Variants in RFPL4AL1 observed in about 807,000 individuals in gnomAD.
RFPL4AL1 encodes the protein ret finger protein like 4A like 1.
RFPL4AL1 carries 2 observed loss-of-function variants against 8.2 expected under a neutral mutation model. The observed-to-expected ratio is 0.24, with a 90% confidence interval of 0.10 to 0.77. The LOEUF (loss-of-function observed/expected upper bound fraction) is 0.77, where lower values mean the gene tolerates loss of function less well. RFPL4AL1 is among the 30% of genes least tolerant of loss of function. The probability of loss-of-function intolerance (pLI) is 0.72; values close to 1 mark genes in which losing one functional copy is unlikely to be tolerated. For missense variants in RFPL4AL1, 57 were observed against 350.3 expected, an observed-to-expected ratio of 0.16 and a Z score of 6.68; for synonymous variants, 25 against 131.8, an observed-to-expected ratio of 0.19 and a Z score of 5.55.
At position 55,770,710 on chromosome 19, in the gene RFPL4AL1, C is replaced by T. The variant is rs960456557; in HGVS notation, c.-9-1086C>T. On this transcript the variant is annotated intron_variant, in intron 1 of 2. Coordinates refer to ENST00000341750, the MANE Select transcript of RFPL4AL1 (RefSeq NM_001277397.2). ...AACTCCCTCCGGTTTTTTAGCACCTCATGAGCCCAGGTTCCTCCTTGTCCT... is the reference window on the plus strand; with the variant it reads ...AACTCCCTCCGGTTTTTTAGCACCTTATGAGCCCAGGTTCCTCCTTGTCCT... Among the ~76,000 whole-genome samples the T allele has an allele frequency of 5.3e-5, 8 of 151,974 alleles. 1 individual carries two copies. The highest frequency in any genetic ancestry group is 1.2e-4 in the Non-Finnish European group (8 of 67,954).
rs1157673564 is a variant in RFPL4AL1, at chr19:55,772,802, T to C, written c.487T>C (p.Trp163Arg). 5.5e-5 allele frequency: 85 copies of C among 1,548,706 alleles called. 1 individual carries two copies. Among genetic ancestry groups the C allele is most frequent in the Non-Finnish European group, 7.4e-5 (85 of 1,145,664 alleles). The change falls in exon 3 of 3, where the codon TGG becomes CGG. Residue 163 changes from tryptophan to arginine, a missense_variant. Coordinates refer to ENST00000341750, the MANE Select transcript of RFPL4AL1 (RefSeq NM_001277397.2). ...WEVDVGTSQV[W>R]DVGVCKESVN... ...GGTGGACGTGGGCACCAGCCAAGTG[T>C]GGGATGTGGGCGTGTGCAAGGAATC...
intron 1 of RFPL4AL1, among the ~76,000 whole-genome samples, chr19:55,771,077 C>CTT (rs1989483766): frequency 2.7e-5 from 3 of 111,526 alleles, no homozygotes; most frequent in East Asian, 2.6e-4. Context: ...TCTTTTAGTT[C>CTT]TGTTTTTTGT....
intron 1 of RFPL4AL1, among the ~76,000 whole-genome samples, chr19:55,771,013 C>T (rs531656323): frequency 2.4e-4 from 36 of 151,310 alleles, no homozygotes; most frequent in African/African-American, 7.5e-4. Flanking sequence ...GAAAATATTC[C>T]TTATATATTT....
chr19:55,769,564 T>G (rs1989451156), intron 1 of RFPL4AL1, among the ~76,000 whole-genome samples: 1 of 151,796 alleles, frequency 6.6e-6, no homozygotes, highest in African/African-American at 2.4e-5. Context: ...TTTGTTCAGT[T>G]TTTTGTTCCT....
chr19:55,771,923 A>T lies in RFPL4AL1; in HGVS notation c.119A>T (p.Lys40Met). The change falls in exon 2 of 3, where the codon AAG becomes ATG. Residue 40 changes from lysine (K) to methionine (M), a missense_variant. Transcript: ENST00000341750. ...CTCCAGTGCCTCAATTCACTCCAGA[A>T]GGAGCCCGATGGGGAAGGTTTACTG... ...CCLQCLNSLQ[K>M]EPDGEGLLCR... The T allele has an allele frequency of 6.7e-7, 1 of 1,487,252 alleles. No individual in the cohort carries two copies. Among genetic ancestry groups the T allele is most frequent in the Non-Finnish European group, 9.0e-7 (1 of 1,107,962 alleles). 92.1% of individuals were successfully genotyped at this position (1,487,252 alleles called of 1,614,324 possible). A position where few individuals can be genotyped will look rare whatever the true frequency, so the allele number is the denominator to read the frequency against.
In RFPL4AL1 at chr19:55,771,086, GTTTT is replaced by G. The variant is rs74183507; in HGVS notation, c.-9-694_-9-691del. On this transcript the variant is annotated intron_variant, in intron 1 of 2. Coordinates refer to ENST00000341750, the MANE Select transcript of RFPL4AL1 (RefSeq NM_001277397.2). ...TTGGTTTCTTTTAGTTCTGTTTTTT[GTTTT>G]TTTTTTTTTTTTTTTCCGCTATGCA... Among the ~76,000 whole-genome samples the G allele has an allele frequency of 6.0e-3, 776 of 130,382 alleles. 23 individuals are homozygous for G. Among genetic ancestry groups the G allele is most frequent in the Middle Eastern group, 0.016 (4 of 254 alleles). The allele number at this position is 130,382 out of a possible 152,430, so 85.5% of individuals were successfully genotyped here.
At chr19:55,771,452 A>T (rs1989496446) in intron 1 of RFPL4AL1, among the ~76,000 whole-genome samples, 1 of 152,064 alleles carries the variant, frequency 6.6e-6, no homozygotes, top group Admixed American at 6.6e-5. Flanking sequence ...TATTTGGCTC[A>T]CAGCACATCT....
chr19:55,769,568 T>C (rs1187086240), intron 1 of RFPL4AL1, among the ~76,000 whole-genome samples: 2 of 151,860 alleles, frequency 1.3e-5, no homozygotes, highest in African/African-American at 4.8e-5. Context: ...TTCAGTTTTT[T>C]GTTCCTTTTA....
At chr19:55,769,965 G>T (rs1348126714) in intron 1 of RFPL4AL1, among the ~76,000 whole-genome samples, 1 of 151,950 alleles carries the variant, frequency 6.6e-6, no homozygotes, top group Non-Finnish European at 1.5e-5. Flanking sequence ...AGACGCTGGG[G>T]TTGTTTCCAT....
At chr19:55,770,656 A>G (rs1278437015) in intron 1 of RFPL4AL1, among the ~76,000 whole-genome samples, 4 of 151,922 alleles carry the variant, frequency 2.6e-5, no homozygotes, top group Non-Finnish European at 5.9e-5. Context: ...GACCACGGTC[A>G]TTACTGTGGC....
At chr19:55,771,430 C>A (rs1322563256) in intron 1 of RFPL4AL1, among the ~76,000 whole-genome samples, 7 of 152,142 alleles carry the variant, frequency 4.6e-5, no homozygotes, top group African/African-American at 1.7e-4. Flanking sequence ...TACGTCTTCA[C>A]AAAGAGGAGT....
intron 1 of RFPL4AL1, 67 bp downstream of exon 1, chr19:55,769,242 G>A (rs1442409159): frequency 6.6e-6 from 1 of 151,880 alleles, no homozygotes; most frequent in Non-Finnish European, 1.5e-5. Flanking sequence ...ATGCAATAAT[G>A]TCTTGATTCC....
chr19:55,773,198 T>A lies in RFPL4AL1; in HGVS notation c.*19T>A, dbSNP rs759101564. The A allele has an allele frequency of 8.6e-6, 12 of 1,398,684 alleles. No individual in the cohort carries two copies. The South Asian group carries it at 1.5e-4, about 17-fold the overall frequency. 86.6% of individuals were successfully genotyped at this position (1,398,684 alleles called of 1,614,324 possible). The stretch of plus-strand genomic sequence containing the variant: ...AAAGTAAATAAACATTTGAACATAA[T>A]CATCTTTAGGAAGTTTCAGTGCCCC... On this transcript the variant is annotated 3_prime_UTR_variant, in exon 3 of 3. Coordinates refer to ENST00000341750, the MANE Select transcript of RFPL4AL1 (RefSeq NM_001277397.2).
At chr19:55,770,550 A>C (rs1446261797) in intron 1 of RFPL4AL1, among the ~76,000 whole-genome samples, 199 of 151,902 alleles carry the variant, frequency 1.3e-3, no homozygotes, top group Non-Finnish European at 5.6e-4. Flanking sequence ...AAAAGCAGAG[A>C]TTTTTTAGAA....
intron 1 of RFPL4AL1, among the ~76,000 whole-genome samples, chr19:55,770,717 C>G (rs1989475837): frequency 6.6e-6 from 1 of 151,930 alleles, no homozygotes; most frequent in African/African-American, 2.4e-5. Context: ...CCTCATGAGC[C>G]CAGGTTCCTC....
chr19:55,773,310 A>T lies in RFPL4AL1; in HGVS notation c.*131A>T. 1 of 521,526 alleles carries T rather than the reference A, an allele frequency of 1.9e-6. No homozygotes were observed. The highest frequency in any genetic ancestry group is 3.4e-6 in the Non-Finnish European group (1 of 295,658). 32.3% of individuals were successfully genotyped at this position (521,526 alleles called of 1,614,324 possible). A position where few individuals can be genotyped will look rare whatever the true frequency, so the allele number is the denominator to read the frequency against. ...AGAGCCATCACTCTGTAAACCATGA[A>T]CAGAAAGCAATTATATTAATGAGGG... On this transcript the variant is annotated 3_prime_UTR_variant, in exon 3 of 3. Transcript: ENST00000341750.
chr19:55,769,851 C>T (rs1341004048), intron 1 of RFPL4AL1, among the ~76,000 whole-genome samples: 1 of 151,806 alleles, frequency 6.6e-6, no homozygotes, highest in Non-Finnish European at 1.5e-5. Context: ...CCCATCATGC[C>T]CTCGGCCTTC....
intron 1 of RFPL4AL1, among the ~76,000 whole-genome samples, chr19:55,769,861 C>T (rs1421813352): frequency 5.3e-5 from 8 of 151,868 alleles, no homozygotes; most frequent in Admixed American, 5.3e-4. Context: ...CCTCGGCCTT[C>T]ATCCACATTG....
chr19:55,769,464 G>A (rs1357914839), intron 1 of RFPL4AL1, among the ~76,000 whole-genome samples: 1 of 151,566 alleles, frequency 6.6e-6, no homozygotes, highest in East Asian at 1.9e-4. Flanking sequence ...TCAACGTCAG[G>A]TTTTCCTATG....
Sources: allele counts gnomAD v4.1 joint callset (sites outside exome capture counted in the v4.1 genomes callset), GRCh38; gene constraint gnomAD v4.1.1; transcripts MANE v1.5; gene names NCBI Gene and HGNC (gene_info 2026-07-23, HGNC 2026-07-21).